PLCH1: variants seen among roughly 807,000 people sequenced by gnomAD.
The protein encoded by PLCH1 is 1-phosphatidylinositol 4,5-bisphosphate phosphodiesterase eta-1.
Under a neutral mutation model 126.7 loss-of-function variants are expected in PLCH1, and 60 were observed. That is an observed-to-expected ratio of 0.47 (90% CI 0.38 to 0.59). The LOEUF is 0.59. Among genes scored for constraint, PLCH1 ranks in the 20% least tolerant of loss-of-function variants. The probability of loss-of-function intolerance (pLI) is 0.00; values close to 1 mark genes in which losing one functional copy is unlikely to be tolerated. For synonymous variants in PLCH1, 719 were observed against 734.9 expected, an observed-to-expected ratio of 0.98 and a Z score of 0.35; for missense variants, 1,723 against 2,040.0, an observed-to-expected ratio of 0.84 and a Z score of 2.99.
chr3:155,596,671 A>G (rs918767574), intron 2 of PLCH1, among the ~76,000 whole-genome samples: 1 of 152,060 alleles, frequency 6.6e-6, no homozygotes, highest in African/African-American at 2.4e-5. Context: ...ACTTAAGACC[A>G]TTTGATACTT....
At chr3:155,514,702 G>A in intron 12 of PLCH1, 21 bp downstream of exon 12, 1 of 1,490,040 alleles carries the variant, frequency 6.7e-7, no homozygotes. Flanking sequence ...TGAAGGATAA[G>A]TACAAGAGGG....
At chr3:155,470,672 G>A (rs1186771910) in intron 21 of PLCH1, among the ~76,000 whole-genome samples, 2 of 152,112 alleles carry the variant, frequency 1.3e-5, no homozygotes, top group African/African-American at 2.4e-5. Context: ...AGGGCAGCCA[G>A]AGAGAAAGGT....
chr3:155,699,849 C>CACACACACACACACACACACACACA (rs1553760147), intron 2 of PLCH1, among the ~76,000 whole-genome samples: 1 of 145,510 alleles, frequency 6.9e-6, no homozygotes, highest in African/African-American at 2.7e-5. Context: ...CACACACACA[C>CACACACACACACACACACACACACA]CACTACCTCT....
rs1747774120 is a variant in PLCH1 at position 155,719,376 on chromosome 3, G to A, written c.-40-15112C>T. Among the ~76,000 whole-genome samples the A allele has an allele frequency of 2.0e-5, 3 of 152,110 alleles. 1 individual carries two copies. In the South Asian group the frequency reaches 6.2e-4, roughly 32 times the overall value. On this transcript the variant is annotated intron_variant, in intron 1 of 22. Transcript: ENST00000460012. Reference sequence around the variant, plus strand: ...CACCGGGGCCTGTTGTGGGGTTGGGGGAGGGGGAAGGGATAGCATTAGGAG... The same window carrying A: ...CACCGGGGCCTGTTGTGGGGTTGGGAGAGGGGGAAGGGATAGCATTAGGAG...
intron 9 of PLCH1, among the ~76,000 whole-genome samples, chr3:155,551,099 C>G (rs945829840): frequency 1.3e-5 from 2 of 152,174 alleles, no homozygotes; most frequent in Non-Finnish European, 2.9e-5. Context: ...GTCCTGCAGT[C>G]ACATCAGGGA....
At chr3:155,545,593 A>G (rs1361726088) in intron 10 of PLCH1, among the ~76,000 whole-genome samples, 14 of 152,212 alleles carry the variant, frequency 9.2e-5, no homozygotes, top group African/African-American at 3.4e-4. Context: ...CAAAAAAGAG[A>G]ATTTTAGACC....
At chr3:155,504,443 G>A (rs1054230459) in intron 13 of PLCH1, 112 bp downstream of exon 13, 15 of 604,836 alleles carry the variant, frequency 2.5e-5, no homozygotes, top group South Asian at 1.5e-4. Context: ...CTTTGCTGAC[G>A]TGCTGGTTAA....
intron 1 of PLCH1, chr3:155,743,496 C>A (rs570376957): frequency 1.1e-5 from 5 of 437,896 alleles, no homozygotes; most frequent in South Asian, 3.3e-5. Flanking sequence ...CGCACCACTG[C>A]ACTCCAGCCT....
Position 155,561,195 on chromosome 3 carries a change from A to G in PLCH1, c.1069+3720T>C, listed in dbSNP as rs573101158. Among the ~76,000 whole-genome samples the G allele has an allele frequency of 2.3e-4, 35 of 151,568 alleles. 1 individual carries two copies. In the South Asian group the frequency reaches 6.5e-3, roughly 28 times the overall value. On this transcript the variant is annotated intron_variant, in intron 8 of 22. Coordinates refer to ENST00000460012, the MANE Select transcript of PLCH1 (RefSeq NM_014996.4). The stretch of plus-strand genomic sequence containing the variant: ...TGTGCACATTGTGCAGGTTAGTTAC[A>G]TATGTATACATGTGCCATGCTGGTG...
chr3:155,743,258 G>A (rs189427696), intron 1 of PLCH1: 62 of 454,402 alleles, frequency 1.4e-4, no homozygotes, highest in Admixed American at 2.9e-4. Flanking sequence ...TCTGCTGGGC[G>A]CGGTGGCTCA....
At position 155,494,435 on chromosome 3, in the gene PLCH1, A is replaced by G. The variant is rs748435683; in HGVS notation, c.1977T>C (p.Tyr659=). The part of the protein sequence containing the change: ...VQQKSEQFMI[Y]NQKQLTRIYP... ...AAATCCTCGTGAGTTGCTTTTGATT[A>G]TAAATCATGAACTGCTCTGATTTTT... The change falls in exon 16 of 23, where the codon TAT becomes TAC. Residue 659 remains tyrosine, a synonymous_variant. Transcript: ENST00000460012. 2.5e-6 allele frequency: 4 copies of G among 1,614,084 alleles called. No homozygotes were observed. In the Admixed American group the frequency reaches 5.0e-5, roughly 20 times the overall value.
At chr3:155,591,745 G>T (rs935244696) in intron 4 of PLCH1, among the ~76,000 whole-genome samples, 2 of 152,028 alleles carry the variant, frequency 1.3e-5, no homozygotes, top group Admixed American at 6.5e-5. Flanking sequence ...TTTTTTGTTA[G>T]TTTTTTGTTT....
chr3:155,570,897 T>C (rs1729121960), intron 6 of PLCH1, among the ~76,000 whole-genome samples: 1 of 152,202 alleles, frequency 6.6e-6, no homozygotes. Context: ...AAATCAATTA[T>C]TACAATTTAA....
Position 155,494,482 on chromosome 3 carries a change from T to C in PLCH1, c.1930A>G (p.Arg644Gly), listed in dbSNP as rs1221670285. Reference sequence around the variant, plus strand: ...TTTTGCTGAACAACCTGATGTGCTCTTGTTTCACTGAATGATAACACATTT... The same window carrying C: ...TTTTGCTGAACAACCTGATGTGCTCCTGTTTCACTGAATGATAACACATTT... ...TGNVLSFSETRAHQVVQQKSE... is the reference protein window; with the variant it reads ...TGNVLSFSETGAHQVVQQKSE... Residue 644 changes from arginine to glycine, a missense_variant, in exon 16 of 23, where the codon AGA (arginine) becomes GGA (glycine). Physicochemically the swap from Arg to Gly is moderately radical, Grantham distance 125. Coordinates refer to ENST00000460012, the MANE Select transcript of PLCH1 (RefSeq NM_014996.4). 4 of 1,613,952 alleles carry C rather than the reference T, an allele frequency of 2.5e-6. No individual in the cohort carries two copies. The highest frequency in any genetic ancestry group is 3.4e-6 in the Non-Finnish European group (4 of 1,179,964).
At chr3:155,501,773 C>T (rs1218003530) in intron 13 of PLCH1, among the ~76,000 whole-genome samples, 1 of 152,094 alleles carries the variant, frequency 6.6e-6, no homozygotes, top group Non-Finnish European at 1.5e-5. Flanking sequence ...CCAGCCTGGA[C>T]AACAAGAGCA....
At chr3:155,638,029 T>C (rs1879089) in intron 2 of PLCH1, among the ~76,000 whole-genome samples, 76,547 of 152,068 alleles carry the variant, frequency 0.5, 22,377 homozygotes, top group African/African-American at 0.8. Context: ...CAAAGCTTGA[T>C]GATAAACATC....
chr3:155,646,348 T>C (rs546930497), intron 2 of PLCH1, among the ~76,000 whole-genome samples: 1 of 152,300 alleles, frequency 6.6e-6, no homozygotes, highest in Non-Finnish European at 1.5e-5. Flanking sequence ...CTGTCCTCAC[T>C]GTTCAGTCCT....
At chr3:155,707,359 C>G (rs1179636570) in intron 1 of PLCH1, among the ~76,000 whole-genome samples, 1 of 152,192 alleles carries the variant, frequency 6.6e-6, no homozygotes, top group African/African-American at 2.4e-5. Context: ...TAAGCCATCC[C>G]TCTGTGCCTC....
At chr3:155,564,075 G>A (rs1727984993) in intron 8 of PLCH1, among the ~76,000 whole-genome samples, 1 of 151,984 alleles carries the variant, frequency 6.6e-6, no homozygotes, top group Non-Finnish European at 1.5e-5. Context: ...AGCCTCCCAG[G>A]TAGCTAAAAC....
Sources: gnomAD v4.1 joint callset for allele counts (sites outside exome capture counted in the v4.1 genomes callset) on GRCh38, gnomAD v4.1.1 for gene constraint, MANE v1.5 for transcripts, NCBI Gene and HGNC (gene_info 2026-07-23, HGNC 2026-07-21) for gene names.